Variants in LIMCH1 observed in about 807,000 individuals in gnomAD.
The protein encoded by LIMCH1 is LIM and calponin homology domains-containing protein 1.
In LIMCH1, 113 loss-of-function variants were observed where a neutral mutation model predicts 176.5. That is an observed-to-expected ratio of 0.64 (90% CI 0.55 to 0.75). The LOEUF (loss-of-function observed/expected upper bound fraction) is 0.75, where lower values mean the gene tolerates loss of function less well. LIMCH1 is among the 30% of genes least tolerant of loss of function. LIMCH1 has a pLI of 0.00. For synonymous variants in LIMCH1, 619 were observed against 645.9 expected (o/e 0.96, Z 0.63); for missense variants, 1,674 against 1,814.9 (o/e 0.92, Z 1.41).
chr4:41,512,747 T>C (rs1386020381), intron 2 of LIMCH1, among the ~76,000 whole-genome samples: 2 of 151,848 alleles, frequency 1.3e-5, no homozygotes, highest in Non-Finnish European at 2.9e-5. Context: ...GGGCTGGGGG[T>C]TGTGGGTGAG....
intron 1 of LIMCH1, among the ~76,000 whole-genome samples, chr4:41,401,958 T>C (rs1045866030): frequency 6.6e-6 from 1 of 152,200 alleles, no homozygotes; most frequent in Non-Finnish European, 1.5e-5. Context: ...TTTCTAGATA[T>C]ACAATCGTGT....
chr4:41,558,400 G>T (rs920574510), intron 1 of LIMCH1, among the ~76,000 whole-genome samples: 15 of 152,140 alleles, frequency 9.9e-5, no homozygotes, highest in African/African-American at 3.4e-4. Context: ...AACAAATTAG[G>T]CAGTAATGTC....
intron 7 of LIMCH1, among the ~76,000 whole-genome samples, chr4:41,625,172 A>G (rs28478590): frequency 0.071 from 10,877 of 152,172 alleles, 878 homozygotes; most frequent in African/African-American, 0.2. Flanking sequence ...AGAGACCTTA[A>G]TATTCTCTTC....
intron 24 of LIMCH1, 21 bp from the exon 25 acceptor site, chr4:41,680,934 G>A (rs755239465): frequency 4.5e-6 from 6 of 1,322,224 alleles, no homozygotes; most frequent in East Asian, 2.3e-5. Flanking sequence ...CCCTTTCATC[G>A]ATTCCTGTCC....
Position 41,650,553 on chromosome 4 carries a change from A to G in LIMCH1, c.2981A>G (p.Asn994Ser), listed in dbSNP as rs549389217. 20 of 1,613,972 alleles carry G rather than the reference A, an allele frequency of 1.2e-5. No individual in the cohort carries two copies. In the African/African-American group the frequency reaches 2.4e-4, roughly 19 times the overall value. The change falls in exon 18 of 32, where the codon AAC (asparagine) becomes AGC (serine). Residue 994 changes from asparagine to serine, a missense_variant. Asn to Ser is a conservative substitution (Grantham distance 46, BLOSUM62 1). Around this residue, in one of 3 missense-constraint regions of LIMCH1, gnomAD observed 1,015 missense variants for 1,102.5 expected, o/e 0.92. Coordinates refer to ENST00000503057, the MANE Select transcript of LIMCH1 (RefSeq NM_001330672.2). ...HGSPLELKQD[N>S]GSIEINIKKP... The stretch of plus-strand genomic sequence containing the variant: ...TCTCCACTGGAGCTGAAACAAGACA[A>G]CGGTAGCATCGAGATCAACATAAAG...
intron 1 of LIMCH1, among the ~76,000 whole-genome samples, chr4:41,401,234 T>A (rs1479177924): frequency 7.2e-5 from 11 of 152,244 alleles, no homozygotes; most frequent in Admixed American, 5.2e-4. Flanking sequence ...GGATCCAGTT[T>A]CAGCCTTCTA....
At chr4:41,483,718 T>C (rs1398240380) in intron 1 of LIMCH1, among the ~76,000 whole-genome samples, 1 of 152,218 alleles carries the variant, frequency 6.6e-6, no homozygotes, top group African/African-American at 2.4e-5. Flanking sequence ...TGTACAGGTC[T>C]TTGTATCTGC....
At chr4:41,551,296 T>C (rs1385755817) in intron 1 of LIMCH1, 1 of 152,238 alleles carries the variant, frequency 6.6e-6, no homozygotes, top group Admixed American at 6.5e-5. Flanking sequence ...TGGATATTTA[T>C]AACAGCCTTG....
chr4:41,586,529 A>G (rs1284426651), intron 1 of LIMCH1, among the ~76,000 whole-genome samples: 2 of 152,200 alleles, frequency 1.3e-5, no homozygotes, highest in Non-Finnish European at 2.9e-5. Flanking sequence ...AATATATGGA[A>G]ACTGTTTAAT....
In LIMCH1 at chr4:41,603,774, A is replaced by G. The variant is rs367612571; in HGVS notation, c.-133-101A>G. On this transcript the variant is annotated intron_variant, in intron 2 of 31. Coordinates refer to ENST00000503057, the MANE Select transcript of LIMCH1 (RefSeq NM_001330672.2). ...AATAATACATTCTTCTGATTTCATT[A>G]TATATGTTAGCTTCAAGTACATCTT... 3.2e-3 allele frequency: 2,459 copies of G among 767,136 alleles called. 10 individuals carry two copies. Among genetic ancestry groups the G allele is most frequent in the Non-Finnish European group, 4.6e-3 (2,056 of 450,132 alleles). The allele number at this position is 767,136 out of a possible 1,614,324, so 47.5% of individuals were successfully genotyped here.
chr4:41,613,373 G>A (rs1464107128), intron 4 of LIMCH1, 93 bp from the exon 5 acceptor site: 2 of 1,037,742 alleles, frequency 1.9e-6, no homozygotes, highest in African/African-American at 3.2e-5. Context: ...GATGTGATAT[G>A]CAGGGGTTTT....
intron 1 of LIMCH1, among the ~76,000 whole-genome samples, chr4:41,477,194 T>TC (rs2154165058): frequency 6.6e-6 from 1 of 152,260 alleles, no homozygotes; most frequent in African/African-American, 2.4e-5. Flanking sequence ...TTTTGTTTCT[T>TC]CATCTGGAGA....
intron 10 of LIMCH1, 109 bp from the exon 11 acceptor site, chr4:41,632,640 G>A (rs182858497): frequency 6.8e-5 from 57 of 834,668 alleles, no homozygotes; most frequent in African/African-American, 4.7e-4. Context: ...TGGAATGAGA[G>A]CAGCCACATT....
intron 1 of LIMCH1, among the ~76,000 whole-genome samples, chr4:41,406,573 G>A (rs1456179190): frequency 1.3e-5 from 2 of 152,134 alleles, no homozygotes; most frequent in Non-Finnish European, 2.9e-5. Context: ...TCTTACTATG[G>A]AAACCAAGGG....
chr4:41,488,685 T>C (rs994469670), intron 1 of LIMCH1, among the ~76,000 whole-genome samples: 1 of 152,128 alleles, frequency 6.6e-6, no homozygotes. Context: ...GTAATATATA[T>C]TGTAGAAAGT....
At chr4:41,485,862 C>T (rs1464562472) in intron 1 of LIMCH1, among the ~76,000 whole-genome samples, 1 of 151,974 alleles carries the variant, frequency 6.6e-6, no homozygotes, top group Non-Finnish European at 1.5e-5. Context: ...AGTTAGGAGA[C>T]CCTTGACCTA....
At chr4:41,672,164 G>A (rs192955846) in intron 22 of LIMCH1, among the ~76,000 whole-genome samples, 1 of 152,154 alleles carries the variant, frequency 6.6e-6, no homozygotes, top group Non-Finnish European at 1.5e-5. Flanking sequence ...GAGGTCAGGA[G>A]TTCGAGACCA....
chr4:41,633,094 C>T lies in LIMCH1; in HGVS notation c.1829+9C>T. ...GACAGCAGCCAGCCACTGTGAGCAT[C>T]TTGCCTGCGCTCTGCTCCGTGGTGT... On this transcript the variant is annotated intron_variant, in intron 12 of 31. Transcript: ENST00000503057. 6.6e-7 allele frequency: 1 copy of T among 1,514,596 alleles called. No individual in the cohort carries two copies. The allele number at this position is 1,514,596 out of a possible 1,614,324, so 93.8% of individuals were successfully genotyped here. A position where few individuals can be genotyped will look rare whatever the true frequency, so the allele number is the denominator to read the frequency against.
At chr4:41,404,734 G>A (rs182870634) in intron 1 of LIMCH1, among the ~76,000 whole-genome samples, 62 of 152,222 alleles carry the variant, frequency 4.1e-4, no homozygotes, top group Non-Finnish European at 8.2e-4. Context: ...AGCCAGGATT[G>A]TGCCACTACG....
Sources: allele counts gnomAD v4.1 joint callset (sites outside exome capture counted in the v4.1 genomes callset), GRCh38; gene constraint gnomAD v4.1.1; regional missense constraint gnomAD v4.1.1; transcripts MANE v1.5; gene names NCBI Gene and HGNC (gene_info 2026-07-23, HGNC 2026-07-21).